Variants in ITPR1 observed in about 807,000 individuals in gnomAD.
The protein encoded by ITPR1 is inositol 1,4,5-trisphosphate-gated calcium channel ITPR1.
A neutral mutation model predicts 318.4 loss-of-function variants in ITPR1; 96 were observed. The ratio of observed to expected loss-of-function variants is 0.30; its 90% CI spans 0.26 to 0.36. The LOEUF (loss-of-function observed/expected upper bound fraction) is 0.36. Ranked by LOEUF, ITPR1 falls within the 10% of genes least tolerant of loss-of-function variation. ITPR1 has a pLI of 1.00. For synonymous variants in ITPR1, 1,312 were observed against 1,289.9 expected (o/e 1.02, Z -0.37); for missense variants, 2,440 against 3,460.2 (o/e 0.71, Z 7.40).
chr3:4,586,293 C>T (rs776388973), intron 4 of ITPR1, among the ~76,000 whole-genome samples: 4 of 152,164 alleles, frequency 2.6e-5, no homozygotes, highest in Non-Finnish European at 5.9e-5. Context: ...TTACCCGTTT[C>T]TACCATACAG....
Position 4,744,537 on chromosome 3 carries a change from A to G in ITPR1, c.5544+9183A>G, listed in dbSNP as rs561204792. On this transcript the variant is annotated intron_variant, in intron 44 of 61. Coordinates refer to ENST00000649015, the MANE Select transcript of ITPR1 (RefSeq NM_001378452.1). ...GCATAGCTGCAGTTTTTCCTTTGGG[A>G]TTGTCCTAACTGCTTTCCTGCTTCA... Among the ~76,000 whole-genome samples the G allele has an allele frequency of 1.1e-4, 16 of 152,254 alleles. No homozygotes were observed. The South Asian group carries it at 3.3e-3, about 32-fold the overall frequency.
intron 47 of ITPR1, among the ~76,000 whole-genome samples, chr3:4,775,964 A>G (rs2046458728): frequency 6.6e-6 from 1 of 152,240 alleles, no homozygotes; most frequent in Non-Finnish European, 1.5e-5. Context: ...CTCTCAAAGA[A>G]GAATATTTTG....
At chr3:4,720,530 T>C (rs1340203527) in intron 40 of ITPR1, among the ~76,000 whole-genome samples, 1 of 152,236 alleles carries the variant, frequency 6.6e-6, no homozygotes, top group Non-Finnish European at 1.5e-5. Flanking sequence ...TTGGTGTGTT[T>C]AGAAAGCAGG....
chr3:4,818,956 G>A (rs574896515), intron 60 of ITPR1, among the ~76,000 whole-genome samples: 4 of 152,154 alleles, frequency 2.6e-5, no homozygotes, highest in Non-Finnish European at 5.9e-5. Flanking sequence ...GGATAGTGGC[G>A]TGAGGAGCAT....
chr3:4,830,709 A>G (rs1358536120), intron 60 of ITPR1, among the ~76,000 whole-genome samples: 4 of 152,162 alleles, frequency 2.6e-5, no homozygotes, highest in African/African-American at 4.8e-5. Flanking sequence ...TGAGAGCAGT[A>G]GACATGAAGC....
In ITPR1 at chr3:4,667,522, G is replaced by A; in HGVS notation, c.1859G>A (p.Ser620Asn). The A allele has an allele frequency of 6.2e-7, 1 of 1,613,462 alleles. No homozygotes were observed. The highest frequency in any genetic ancestry group is 8.5e-7 in the Non-Finnish European group (1 of 1,179,614). Reference sequence around the variant, plus strand: ...GCGGCAGAGATTGACACATTTGTCAGCCTGGTGCGAAAGAACAGGGAGCCC... The same window carrying A: ...GCGGCAGAGATTGACACATTTGTCAACCTGGTGCGAAAGAACAGGGAGCCC... ...ITAAEIDTFV[S>N]LVRKNREPRF... The change falls in exon 18 of 62, where the codon AGC becomes AAC. Residue 620 changes from serine to asparagine, a missense_variant. Ser to Asn is a conservative substitution (Grantham distance 46). Coordinates refer to ENST00000649015, the MANE Select transcript of ITPR1 (RefSeq NM_001378452.1).
rs370852124 is a variant in ITPR1, at chr3:4,795,120, G to A, written c.6864G>A (p.Ser2288=). Residue 2288 remains serine, a synonymous_variant, in exon 53 of 62, where the codon TCG becomes TCA. Coordinates refer to ENST00000649015, the MANE Select transcript of ITPR1 (RefSeq NM_001378452.1). ...ACATGTCTTTCTGGAGCAGCATTTC[G>A]TTTAACCTGGCCGTCCTGATGAACC... ...ARNMSFWSSI[S]FNLAVLMNLL... is the part of the protein sequence containing the mutation. 24 of 1,613,852 alleles carry A rather than the reference G, an allele frequency of 1.5e-5. No homozygotes were observed. Among genetic ancestry groups the A allele is most frequent in the African/African-American group, 1.1e-4 (8 of 75,030 alleles).
intron 4 of ITPR1, among the ~76,000 whole-genome samples, chr3:4,592,625 G>T (rs576963518): frequency 5.1e-4 from 78 of 152,194 alleles, no homozygotes; most frequent in Admixed American, 1.0e-3. Flanking sequence ...TTTCATCTTT[G>T]CTTCCCTCTA....
chr3:4,779,634 C>G lies in ITPR1; in HGVS notation c.6376C>G (p.Pro2126Ala). Residue 2126 changes from proline (P) to alanine (A), a missense_variant, in exon 49 of 62, where the codon CCC (proline) becomes GCC (alanine). This residue lies in a region of ITPR1 where 49 missense variants were observed against 47.2 expected (regional missense o/e 1.04). Coordinates refer to ENST00000649015, the MANE Select transcript of ITPR1 (RefSeq NM_001378452.1). This position sits in a 1 kb window ranked among gnomAD's most constrained non-coding sequence, Gnocchi z 4.0. ...AGAGAGGATACTTTATAACATGAGG[C>G]CCAAGGAACTGGTGAGTCGGGTGAC... ...NAERILYNMR[P>A]KELVEVIKKA... The G allele has an allele frequency of 1.2e-6, 2 of 1,609,354 alleles. No homozygotes were observed. The highest frequency in any genetic ancestry group is 1.7e-6 in the Non-Finnish European group (2 of 1,176,332).
intron 53 of ITPR1, chr3:4,800,207 G>A (rs1380484384): frequency 1.3e-5 from 7 of 537,226 alleles, no homozygotes; most frequent in South Asian, 2.7e-5. Context: ...TGAATGAGAA[G>A]GGAAGAACTT....
intron 4 of ITPR1, among the ~76,000 whole-genome samples, chr3:4,626,627 A>G (rs1025753931): frequency 2.0e-5 from 3 of 152,200 alleles, no homozygotes; most frequent in Non-Finnish European, 4.4e-5. Flanking sequence ...ACCACATAAG[A>G]CAATGTATAA....
rs1251239321 is a variant in ITPR1 at position 4,800,428 on chromosome 3, C to A, written c.6935C>A (p.Thr2312Asn). The A allele has an allele frequency of 5.0e-6, 8 of 1,613,394 alleles. No homozygotes were observed. The highest frequency in any genetic ancestry group is 6.8e-6 in the Non-Finnish European group (8 of 1,179,702). ...GAACCCTGTTTTGTCCTTGCAGGAA[C>A]CCTGGAGCCCCACTGGTCGGGACTC... ...FYPFKGVRGG[T>N]LEPHWSGLLW... The change falls in exon 54 of 62, where the codon ACC (threonine) becomes AAC (asparagine). Residue 2312 changes from threonine (T) to asparagine (N), a missense_variant. Thr to Asn is a moderately conservative substitution (Grantham distance 65, BLOSUM62 0). This residue lies in a region of ITPR1 where 126 missense variants were observed against 150.8 expected (regional missense o/e 0.84). Coordinates refer to ENST00000649015, the MANE Select transcript of ITPR1 (RefSeq NM_001378452.1).
At chr3:4,797,291 C>G (rs2047961907) in intron 53 of ITPR1, among the ~76,000 whole-genome samples, 1 of 152,002 alleles carries the variant, frequency 6.6e-6, no homozygotes. Flanking sequence ...TGCTAACCAT[C>G]CTCAGTAGAA....
intron 3 of ITPR1, among the ~76,000 whole-genome samples, chr3:4,520,327 T>C (rs1356541415): frequency 6.6e-6 from 1 of 152,232 alleles, no homozygotes; most frequent in Non-Finnish European, 1.5e-5. Context: ...TGAGTCTTTA[T>C]GTAATGTGAG....
At chr3:4,586,784 G>T (rs4685770) in intron 4 of ITPR1, among the ~76,000 whole-genome samples, 4 of 150,890 alleles carry the variant, frequency 2.7e-5, no homozygotes, top group African/African-American at 9.8e-5. Flanking sequence ...GGACTACCTA[G>T]ATTAAATGCA....
intron 4 of ITPR1, among the ~76,000 whole-genome samples, chr3:4,625,352 G>A (rs1271285403): frequency 3.3e-5 from 5 of 151,814 alleles, no homozygotes; most frequent in Admixed American, 6.6e-5. Flanking sequence ...GTACTTGACT[G>A]CAAATCCATT....
At chr3:4,700,802 G>A (rs1013844353) in intron 35 of ITPR1, among the ~76,000 whole-genome samples, 1 of 152,216 alleles carries the variant, frequency 6.6e-6, no homozygotes, top group Non-Finnish European at 1.5e-5. Context: ...ACAGTTCCAT[G>A]TGGCTGGGGA....
At chr3:4,692,887 G>A (rs542401533) in intron 32 of ITPR1, among the ~76,000 whole-genome samples, 1 of 152,318 alleles carries the variant, frequency 6.6e-6, no homozygotes, top group Admixed American at 6.5e-5. Context: ...TTGGGAGGCC[G>A]AGTTGGGTGG....
At chr3:4,509,661 G>A (rs1033320427) in intron 2 of ITPR1, among the ~76,000 whole-genome samples, 3 of 152,156 alleles carry the variant, frequency 2.0e-5, no homozygotes, top group African/African-American at 4.8e-5. Context: ...GCCAGACATG[G>A]TGGTACGCAC....
Sources: gnomAD v4.1 joint callset for allele counts (sites outside exome capture counted in the v4.1 genomes callset) on GRCh38, gnomAD v4.1.1 for gene constraint, gnomAD v4.1.1 regional missense constraint, Gnocchi (gnomAD v3.1) non-coding constraint, MANE v1.5 for transcripts, NCBI Gene and HGNC (gene_info 2026-07-23, HGNC 2026-07-21) for gene names.